Variants in ACACB observed in about 807,000 individuals in gnomAD.
The protein encoded by ACACB is acetyl-CoA carboxylase 2.
ACACB carries 209 observed loss-of-function variants against 278.8 expected under a neutral mutation model. That is an observed-to-expected ratio of 0.75 (90% confidence interval 0.67 to 0.84). The LOEUF is 0.84. ACACB is among the 40% of genes least tolerant of loss of function. ACACB has a pLI of 0.00. For missense variants in ACACB, 2,850 were observed against 3,269.0 expected (o/e 0.87, Z 3.13); for synonymous variants, 1,174 against 1,285.6 (o/e 0.91, Z 1.86).
At chr12:109,167,806 T>C in intron 3 of ACACB, 90 bp from the exon 4 acceptor site, 1 of 1,582,756 alleles carries the variant, frequency 6.3e-7, no homozygotes, top group Non-Finnish European at 8.6e-7. Flanking sequence ...TGCAGGAGGC[T>C]CTGCAGCTGT....
intron 20 of ACACB, among the ~76,000 whole-genome samples, chr12:109,208,873 C>G (rs2045597403): frequency 6.6e-6 from 1 of 152,202 alleles, no homozygotes; most frequent in Admixed American, 6.5e-5. Flanking sequence ...AAGCAAGTAT[C>G]CTATAAACAT....
At chr12:109,236,898 T>A (rs1018028626) in intron 33 of ACACB, among the ~76,000 whole-genome samples, 1 of 152,044 alleles carries the variant, frequency 6.6e-6, no homozygotes, top group African/African-American at 2.4e-5. Flanking sequence ...TGATAGGGAC[T>A]AGCTAGGTTC....
rs751203396 is a variant in ACACB at position 109,167,943 on chromosome 12, C to T, written c.834C>T (p.Ser278=). Residue 278 remains serine (S), a synonymous_variant, in exon 4 of 53, where the codon TCC becomes TCT. Coordinates refer to ENST00000338432, the MANE Select transcript of ACACB (RefSeq NM_001093.4). ...NGIAAVKCMR[S]IRRWAYEMFR... is the part of the protein sequence containing the mutation. The stretch of plus-strand genomic sequence containing the variant: ...TTGCCGCCGTGAAGTGCATGCGCTC[C>T]ATCCGCAGGTGGGCCTATGAGATGT... The T allele has an allele frequency of 6.2e-7, 1 of 1,613,962 alleles. No homozygotes were observed.
At chr12:109,156,602 TTTG>T (rs1181341980) in intron 2 of ACACB, among the ~76,000 whole-genome samples, 1,370 of 112,860 alleles carry the variant, frequency 0.012, 22 homozygotes, top group African/African-American at 0.036. Flanking sequence ...TTTTTTTTTT[TTTG>T]GGGGGGGGCT....
In ACACB at chr12:109,216,749, G is replaced by A. The variant is rs147226413; in HGVS notation, c.3439+43G>A. The A allele has an allele frequency of 1.5e-4, 239 of 1,614,106 alleles. 2 individuals are homozygous for A. Among genetic ancestry groups the A allele is most frequent in the Middle Eastern group, 1.7e-4 (1 of 6,058 alleles). The stretch of plus-strand genomic sequence containing the variant: ...CAACACCAGTGGGATGGTGGGGGGC[G>A]TGAGGAGCCTGAGCTTTACCTCTGT... On this transcript the variant is annotated intron_variant, in intron 23 of 52. Coordinates refer to ENST00000338432, the MANE Select transcript of ACACB (RefSeq NM_001093.4).
At chr12:109,118,053 G>A (rs551662852) in intron 1 of ACACB, among the ~76,000 whole-genome samples, 2 of 152,046 alleles carry the variant, frequency 1.3e-5, no homozygotes, top group Non-Finnish European at 2.9e-5. Flanking sequence ...CCTGGCCAAA[G>A]ATATCATTTT....
In ACACB at chr12:109,262,361, G is replaced by A. The variant is rs2047401539; in HGVS notation, c.6679G>A (p.Gly2227Ser). ...EMYADKESRGGVLEPEGTVEI... is the reference protein window; with the variant it reads ...EMYADKESRGSVLEPEGTVEI... ...CCCTGCCTCTTCTCTTTTAAGGGGT[G>A]GTGTTCTGGAACCAGAGGGGACAGT... The change falls in exon 49 of 53, where the codon GGT (glycine) becomes AGT (serine). Residue 2227 changes from glycine to serine, a missense_variant. Physicochemically the swap from Gly to Ser is moderately conservative, Grantham distance 56. Transcript: ENST00000338432. 1.2e-6 allele frequency: 2 copies of A among 1,612,722 alleles called. No homozygotes were observed. The highest frequency in any genetic ancestry group is 2.2e-5 in the East Asian group (1 of 44,842).
In ACACB at chr12:109,258,310, G is replaced by A. The variant is rs905784978; in HGVS notation, c.6306G>A (p.Arg2102=). 3.1e-6 allele frequency: 5 copies of A among 1,612,648 alleles called. No homozygotes were observed. Among genetic ancestry groups the A allele is most frequent in the Non-Finnish European group, 4.2e-6 (5 of 1,179,946 alleles). Residue 2102 remains arginine, a synonymous_variant, in exon 46 of 53, where the codon CGG becomes CGA. Coordinates refer to ENST00000338432, the MANE Select transcript of ACACB (RefSeq NM_001093.4). The part of the protein sequence containing the change: ...IPVGVIAVET[R]TVEVAVPADP... ...TGGGAGTGATTGCTGTGGAGACACG[G>A]ACTGTGGAGGTGGCAGTCCCTGCAG...
intron 2 of ACACB, among the ~76,000 whole-genome samples, chr12:109,146,246 G>A (rs952430589): frequency 6.6e-6 from 1 of 152,214 alleles, no homozygotes; most frequent in African/African-American, 2.4e-5. Context: ...GGAAGCCACA[G>A]TGAAGAAGTG....
At chr12:109,228,759 G>A (rs1288139635) in intron 28 of ACACB, among the ~76,000 whole-genome samples, 1 of 152,054 alleles carries the variant, frequency 6.6e-6, no homozygotes, top group Non-Finnish European at 1.5e-5. Flanking sequence ...TGTCATGGTA[G>A]AAAGTTCTAG....
intron 49 of ACACB, chr12:109,262,983 T>TATATATATATATATATATATATATA (rs1491252356): frequency 2.4e-4 from 33 of 134,888 alleles, no homozygotes; most frequent in Non-Finnish European, 4.0e-4. Context: ...TATATATATA[T>TATATATATATATATATATATATATA]TGCCATCGTG....
At chr12:109,262,804 G>T (rs2047412266) in intron 49 of ACACB, among the ~76,000 whole-genome samples, 1 of 151,510 alleles carries the variant, frequency 6.6e-6, no homozygotes, top group South Asian at 2.1e-4. Context: ...TTTTGTAGAT[G>T]TGGGGTTTCG....
intron 36 of ACACB, 149 bp downstream of exon 36, chr12:109,241,430 T>C (rs1039013738): frequency 1.4e-6 from 1 of 721,246 alleles, no homozygotes; most frequent in Admixed American, 2.6e-5. Context: ...CTGAGTGTTA[T>C]GTTAAATGTG....
intron 49 of ACACB, chr12:109,262,948 C>CTTT (rs1565985617): frequency 4.4e-5 from 1 of 22,714 alleles, no homozygotes; most frequent in Non-Finnish European, 1.6e-4. Flanking sequence ...ACCTTTTTAA[C>CTTT]ATTATATATA....
intron 45 of ACACB, among the ~76,000 whole-genome samples, chr12:109,257,519 A>C (rs2047259684): frequency 6.6e-6 from 1 of 152,034 alleles, no homozygotes; most frequent in South Asian, 2.1e-4. Flanking sequence ...GTGCAACTTG[A>C]TGTCTAGACC....
chr12:109,238,709 G>T (rs1294701846), intron 34 of ACACB, among the ~76,000 whole-genome samples: 2 of 151,280 alleles, frequency 1.3e-5, no homozygotes, highest in Admixed American at 1.3e-4. Context: ...AGGACTACAG[G>T]CACACCCCAC....
At chr12:109,138,271 T>C (rs575226429) in intron 1 of ACACB, among the ~76,000 whole-genome samples, 17 of 152,256 alleles carry the variant, frequency 1.1e-4, no homozygotes, top group Admixed American at 9.2e-4. Context: ...GTTAGGGTGA[T>C]AGAAAGAGGT....
intron 3 of ACACB, among the ~76,000 whole-genome samples, chr12:109,167,443 T>TA (rs1373527503): frequency 6.7e-6 from 1 of 150,234 alleles, no homozygotes; most frequent in East Asian, 2.0e-4. Context: ...GCAAAAAAAT[T>TA]AAAAAATTAG....
At chr12:109,213,046 AGT>A in intron 22 of ACACB, 110 bp downstream of exon 22, 1 of 851,562 alleles carries the variant, frequency 1.2e-6, no homozygotes, top group Non-Finnish European at 1.9e-6. Context: ...ACTGAGAGAA[AGT>A]GTGTTATAGT....
Sources: gnomAD v4.1 joint callset for allele counts (sites outside exome capture counted in the v4.1 genomes callset) on GRCh38, gnomAD v4.1.1 for gene constraint, MANE v1.5 for transcripts, NCBI Gene and HGNC (gene_info 2026-07-23, HGNC 2026-07-21) for gene names.